The following MKLN1 variants were observed in gnomAD, a reference collection of about 807,000 sequenced individuals.
The protein encoded by MKLN1 is muskelin.
In MKLN1, 18 loss-of-function variants were observed where a neutral mutation model predicts 99.0. That is an observed-to-expected ratio of 0.18 (90% confidence interval 0.13 to 0.27). MKLN1 has a LOEUF of 0.27. Among genes scored for constraint, MKLN1 ranks in the 10% least tolerant of loss-of-function variants. The probability of loss-of-function intolerance (pLI) is 1.00; values close to 1 mark genes in which losing one functional copy is unlikely to be tolerated. For missense variants in MKLN1, 621 were observed against 875.9 expected (o/e 0.71, Z 3.67); for synonymous variants, 288 against 293.2 (o/e 0.98, Z 0.18).
At chr7:131,131,692 T>C (rs61184570) in intron 1 of MKLN1, among the ~76,000 whole-genome samples, 8,482 of 152,298 alleles carry the variant, frequency 0.056, 275 homozygotes, top group Middle Eastern at 0.082. Flanking sequence ...TAAAGTATCT[T>C]CTTTTGGTTA....
At chr7:131,475,777 C>T (rs181942300) in intron 16 of MKLN1, among the ~76,000 whole-genome samples, 33 of 152,198 alleles carry the variant, frequency 2.2e-4, no homozygotes, top group East Asian at 7.7e-4. Context: ...TACCACTGCA[C>T]GCTGAACCTT....
chr7:131,353,939 A>G (rs1221411783), intron 1 of MKLN1, among the ~76,000 whole-genome samples: 2 of 145,550 alleles, frequency 1.4e-5, no homozygotes, highest in Non-Finnish European at 3.0e-5. Flanking sequence ...TTGGGCATAT[A>G]TGTGTGGGTC....
chr7:131,335,358 A>G (rs772859643), intron 1 of MKLN1, among the ~76,000 whole-genome samples: 12 of 152,166 alleles, frequency 7.9e-5, no homozygotes, highest in Non-Finnish European at 1.5e-4. Context: ...ATGAAATTTT[A>G]CTGATTAAGA....
At chr7:131,133,165 T>C (rs1398475266) in intron 1 of MKLN1, among the ~76,000 whole-genome samples, 1 of 151,586 alleles carries the variant, frequency 6.6e-6, no homozygotes, top group African/African-American at 2.4e-5. Flanking sequence ...AGAAGCTAGA[T>C]GGCCACTTGT....
chr7:131,382,438 T>A (rs1470901640), intron 2 of MKLN1, among the ~76,000 whole-genome samples: 12 of 152,178 alleles, frequency 7.9e-5, no homozygotes, highest in African/African-American at 2.9e-4. Flanking sequence ...TGATTAATGA[T>A]GTTACCATTT....
chr7:131,325,932 GA>G (rs1448713709), upstream of MKLN1, among the ~76,000 whole-genome samples: 1 of 151,446 alleles, frequency 6.6e-6, no homozygotes, highest in Non-Finnish European at 1.5e-5. Context: ...AAGCTGGAGA[GA>G]AAAATCAAGG....
intron 1 of MKLN1, among the ~76,000 whole-genome samples, chr7:131,134,713 C>T (rs1281053644): frequency 6.6e-6 from 1 of 152,136 alleles, no homozygotes; most frequent in Non-Finnish European, 1.5e-5. Context: ...TACCCTTCAC[C>T]CCACTGCTGC....
At chr7:131,287,818 C>T (rs1459826628) in intron 3 of MKLN1, among the ~76,000 whole-genome samples, 1 of 152,016 alleles carries the variant, frequency 6.6e-6, no homozygotes, top group African/African-American at 2.4e-5. Context: ...GAGGTTCCCC[C>T]CATGCTGTTC....
chr7:131,313,007 C>T (rs572843580), intron 3 of MKLN1, among the ~76,000 whole-genome samples: 13 of 152,264 alleles, frequency 8.5e-5, no homozygotes, highest in Admixed American at 2.0e-4. Flanking sequence ...GACATAAGCT[C>T]ATAGACAAAT....
At position 131,487,810 on chromosome 7, in the gene MKLN1, A is replaced by G; in HGVS notation, c.*82A>G. On this transcript the variant is annotated 3_prime_UTR_variant, in exon 18 of 18. Transcript: ENST00000352689. This position sits in a 1 kb window ranked among gnomAD's most constrained non-coding sequence, Gnocchi z 4.7. ...ATTGCAGCTCCACTGACTGACAGTA[A>G]AGCTGCAGTGATTGAGGACTGCACC... The G allele has an allele frequency of 6.7e-7, 1 of 1,497,790 alleles. No homozygotes were observed. Among genetic ancestry groups the G allele is most frequent in the East Asian group, 2.3e-5 (1 of 44,020 alleles). 92.8% of individuals were successfully genotyped at this position (1,497,790 alleles called of 1,614,324 possible). A position where few individuals can be genotyped will look rare whatever the true frequency, so the allele number is the denominator to read the frequency against.
intron 16 of MKLN1, among the ~76,000 whole-genome samples, chr7:131,473,896 C>G (rs914406698): frequency 6.6e-6 from 1 of 152,230 alleles, no homozygotes. Flanking sequence ...CGCCTGTAAT[C>G]CCCGCACTTC....
chr7:131,339,083 A>G (rs1398577777), intron 1 of MKLN1, among the ~76,000 whole-genome samples: 4 of 152,184 alleles, frequency 2.6e-5, no homozygotes, highest in Non-Finnish European at 2.9e-5. Context: ...CACATGAAAT[A>G]TGTGTTAATT....
At chr7:131,245,686 C>T (rs1797476814) in intron 3 of MKLN1, among the ~76,000 whole-genome samples, 1 of 152,214 alleles carries the variant, frequency 6.6e-6, no homozygotes, top group Admixed American at 6.5e-5. Flanking sequence ...GCATGTCATA[C>T]AGGTTTGAAG....
chr7:131,293,565 T>G (rs1324329351), intron 3 of MKLN1, among the ~76,000 whole-genome samples: 1 of 152,122 alleles, frequency 6.6e-6, no homozygotes, highest in Non-Finnish European at 1.5e-5. Context: ...GTCCAACACT[T>G]TGGAAGACTG....
intron 7 of MKLN1, among the ~76,000 whole-genome samples, chr7:131,412,011 TG>T (rs149762260): frequency 0.016 from 2,438 of 148,556 alleles, 45 homozygotes; most frequent in African/African-American, 0.055. Flanking sequence ...GGCTTGAGCC[TG>T]GGAGGTCAAG....
chr7:131,303,132 T>C (rs1164430037), intron 3 of MKLN1, among the ~76,000 whole-genome samples: 1 of 152,206 alleles, frequency 6.6e-6, no homozygotes, highest in Non-Finnish European at 1.5e-5. Flanking sequence ...AGAGGAATTA[T>C]TGCCAGCTCC....
intron 12 of MKLN1, among the ~76,000 whole-genome samples, chr7:131,462,695 T>C (rs866376331): frequency 2.6e-5 from 4 of 152,242 alleles, no homozygotes; most frequent in Non-Finnish European, 4.4e-5. Flanking sequence ...ACAGCCTCTT[T>C]CCTTGTGGAG....
At chr7:131,458,083 A>G (rs1048302628) in intron 12 of MKLN1, among the ~76,000 whole-genome samples, 1 of 152,242 alleles carries the variant, frequency 6.6e-6, no homozygotes, top group African/African-American at 2.4e-5. Context: ...TAAGAATAGC[A>G]GAGAGAAAAT....
chr7:131,257,286 T>C (rs1233501501), intron 3 of MKLN1, among the ~76,000 whole-genome samples: 1 of 152,164 alleles, frequency 6.6e-6, no homozygotes, highest in Non-Finnish European at 1.5e-5. Flanking sequence ...CTGACCACAA[T>C]GACACAAAAT....
Sources: allele counts gnomAD v4.1 joint callset (sites outside exome capture counted in the v4.1 genomes callset), GRCh38; gene constraint gnomAD v4.1.1; non-coding constraint Gnocchi (gnomAD v3.1); transcripts MANE v1.5; gene names NCBI Gene and HGNC (gene_info 2026-07-23, HGNC 2026-07-21).